Variants in PRKCA observed in about 807,000 individuals in gnomAD.
PRKCA encodes protein kinase C alpha.
PRKCA carries 27 observed loss-of-function variants against 87.0 expected under a neutral mutation model. That is an observed-to-expected ratio of 0.31 (90% CI 0.23 to 0.43). The LOEUF (loss-of-function observed/expected upper bound fraction) is 0.43. Among genes scored for constraint, PRKCA ranks in the 20% least tolerant of loss-of-function variants. PRKCA has a pLI of 1.00. For synonymous variants in PRKCA, 329 were observed against 311.1 expected (o/e 1.06, Z -0.61); for missense variants, 518 against 852.3 (o/e 0.61, Z 4.88).
intron 2 of PRKCA, among the ~76,000 whole-genome samples, chr17:66,383,927 G>A (rs1204567612): frequency 6.6e-6 from 1 of 151,758 alleles, no homozygotes; most frequent in Admixed American, 6.6e-5. Context: ...TCCAGCCTGG[G>A]TGAAAGAACA....
rs145163295 is a variant in PRKCA, at chr17:66,661,716, G to A, written c.529+16205G>A. On this transcript the variant is annotated intron_variant, in intron 5 of 16. Transcript: ENST00000413366. ...TAAAACAGCACAACAGGTTCCAGGC[G>A]TAAATGGTGTTGATGTGGAAGAGAT... is the stretch of plus-strand genomic sequence containing the variant. Among the ~76,000 whole-genome samples, 7 of 152,310 alleles carry A rather than the reference G, an allele frequency of 4.6e-5. No homozygotes were observed. The East Asian group carries it at 7.7e-4, about 17-fold the overall frequency.
intron 2 of PRKCA, among the ~76,000 whole-genome samples, chr17:66,309,879 T>G (rs1212622184): frequency 6.6e-6 from 1 of 152,192 alleles, no homozygotes; most frequent in Non-Finnish European, 1.5e-5. Flanking sequence ...GTTTCAAGTC[T>G]GGAAGGTCTG....
chr17:66,535,486 C>G (rs1451054221), intron 3 of PRKCA, among the ~76,000 whole-genome samples: 1 of 152,304 alleles, frequency 6.6e-6, no homozygotes, highest in African/African-American at 2.4e-5. Context: ...CAAATTCCCC[C>G]ACCCCTGCTG....
Position 66,774,033 on chromosome 17 carries a change from A to G in PRKCA, c.1571A>G (p.Tyr524Cys), listed in dbSNP as rs781649712. ...PYGKSVDWWA[Y>C]GVLLYEMLAG... ...GGAAAATCTGTGGACTGGTGGGCCT[A>G]TGGCGTCCTGTTGTATGAAATGCTT... The change falls in exon 14 of 17, where the codon TAT becomes TGT. Residue 524 changes from tyrosine (Y) to cysteine (C), a missense_variant. Physicochemically the swap from Tyr to Cys is radical, Grantham distance 194. Transcript: ENST00000413366. The G allele has an allele frequency of 8.7e-6, 14 of 1,613,958 alleles. No individual in the cohort carries two copies. Among genetic ancestry groups the G allele is most frequent in the East Asian group, 2.2e-5 (1 of 44,880 alleles).
At chr17:66,378,562 T>A (rs987435892) in intron 2 of PRKCA, among the ~76,000 whole-genome samples, 1 of 152,152 alleles carries the variant, frequency 6.6e-6, no homozygotes, top group African/African-American at 2.4e-5. Context: ...ATGAATCTAC[T>A]TTCTGTCTCT....
intron 2 of PRKCA, among the ~76,000 whole-genome samples, chr17:66,494,432 G>C (rs776939950): frequency 4.6e-5 from 7 of 152,172 alleles, no homozygotes; most frequent in South Asian, 2.1e-4. Flanking sequence ...CCTTGTCCTC[G>C]TGTGGCAGAA....
chr17:66,378,887 C>T (rs1183754907), intron 2 of PRKCA, among the ~76,000 whole-genome samples: 3 of 143,068 alleles, frequency 2.1e-5, no homozygotes, highest in Admixed American at 7.3e-5. Context: ...AGCGACAGAG[C>T]GAGACTCCAT....
At chr17:66,530,601 G>A (rs959635845) in intron 3 of PRKCA, among the ~76,000 whole-genome samples, 13 of 152,160 alleles carry the variant, frequency 8.5e-5, no homozygotes, top group African/African-American at 2.9e-4. Context: ...CTCCAAAGAA[G>A]AGAGCAGGTG....
intron 3 of PRKCA, among the ~76,000 whole-genome samples, chr17:66,527,237 G>A (rs1429634881): frequency 2.0e-5 from 3 of 151,892 alleles, no homozygotes; most frequent in African/African-American, 7.3e-5. Context: ...TTCCTTTTAG[G>A]ATTTTCCTAC....
At chr17:66,395,244 G>A (rs1176894789) in intron 2 of PRKCA, among the ~76,000 whole-genome samples, 1 of 152,130 alleles carries the variant, frequency 6.6e-6, no homozygotes, top group African/African-American at 2.4e-5. Context: ...TGTGATGATG[G>A]CTTAGAACAG....
chr17:66,778,156 A>C, intron 14 of PRKCA: 4 of 985,188 alleles, frequency 4.1e-6, no homozygotes, highest in Non-Finnish European at 4.8e-6. Context: ...TATTTCCCAC[A>C]CTGCTTCTCA....
chr17:66,332,991 G>A (rs960601059), intron 2 of PRKCA, among the ~76,000 whole-genome samples: 9 of 151,994 alleles, frequency 5.9e-5, no homozygotes, highest in East Asian at 3.9e-4. Flanking sequence ...GTGCCTGGCC[G>A]GTTCCTGATA....
chr17:66,774,078 G>C lies in PRKCA; in HGVS notation c.1605+11G>C. 1 of 1,614,010 alleles carries C rather than the reference G, an allele frequency of 6.2e-7. No homozygotes were observed. Among genetic ancestry groups the C allele is most frequent in the Non-Finnish European group, 8.5e-7 (1 of 1,180,002 alleles). ...ATGCTTGCCGGGCAGGTAATGTTTT[G>C]CTACATTTTCATGTTTGTTTATTGC... On this transcript the variant is annotated intron_variant, in intron 14 of 16. Transcript: ENST00000413366.
At chr17:66,565,274 T>C (rs1393491040) in intron 3 of PRKCA, among the ~76,000 whole-genome samples, 3 of 152,182 alleles carry the variant, frequency 2.0e-5, no homozygotes, top group African/African-American at 7.2e-5. Flanking sequence ...TTTGGGATTC[T>C]TGTCTCCAGC....
At chr17:66,399,167 C>T (rs4636941) in intron 2 of PRKCA, among the ~76,000 whole-genome samples, 75,104 of 147,060 alleles carry the variant, frequency 0.51, 21,239 homozygotes, top group Non-Finnish European at 0.64. Flanking sequence ...GGTGCGATCG[C>T]GGCTCGCTGT....
intron 3 of PRKCA, among the ~76,000 whole-genome samples, chr17:66,582,635 A>T (rs778900257): frequency 1.6e-3 from 236 of 151,780 alleles, no homozygotes; most frequent in Non-Finnish European, 2.8e-3. Flanking sequence ...TCTTTCCTTT[A>T]TACATTGCCC....
rs572733148 is a variant in PRKCA at position 66,309,792 on chromosome 17, CT to C, written c.205+3674del. On this transcript the variant is annotated intron_variant, in intron 2 of 16. Transcript: ENST00000413366. ...CTAGCAGAGATCTAGTCCTTGCCCA[CT>C]TTTTTTTTCCCCCGTCAGAGAAAGG... is the stretch of plus-strand genomic sequence containing the variant. Among the ~76,000 whole-genome samples, 59 of 151,728 alleles carry C rather than the reference CT, an allele frequency of 3.9e-4. No homozygotes were observed. In the South Asian group the frequency reaches 4.2e-3, roughly 11 times the overall value.
chr17:66,382,956 G>A (rs9902872), intron 2 of PRKCA, among the ~76,000 whole-genome samples: 1,795 of 126,180 alleles, frequency 0.014, 48 homozygotes, highest in African/African-American at 0.054. Context: ...CCCTAATTGC[G>A]TTATGATGGT....
intron 2 of PRKCA, among the ~76,000 whole-genome samples, chr17:66,451,602 G>A (rs1598683649): frequency 6.6e-6 from 1 of 152,134 alleles, no homozygotes; most frequent in African/African-American, 2.4e-5. Flanking sequence ...GTATTTTGGA[G>A]GAGTAGTTGT....
Sources: gnomAD v4.1 joint callset for allele counts (sites outside exome capture counted in the v4.1 genomes callset) on GRCh38, gnomAD v4.1.1 for gene constraint, MANE v1.5 for transcripts, NCBI Gene and HGNC (gene_info 2026-07-23, HGNC 2026-07-21) for gene names.